The following FGF14 variants were observed in gnomAD, a reference collection of about 807,000 sequenced individuals.
The protein encoded by FGF14 is fibroblast growth factor homologous factor 4.
A neutral mutation model predicts 25.5 loss-of-function variants in FGF14; 5 were observed. The observed-to-expected ratio is 0.20, with a 90% confidence interval of 0.10 to 0.41. The LOEUF (loss-of-function observed/expected upper bound fraction) is 0.41. Ranked by LOEUF, FGF14 falls within the 10% of genes least tolerant of loss-of-function variation. The pLI is 1.00. For synonymous variants in FGF14, 138 were observed against 118.3 expected, an observed-to-expected ratio of 1.17 and a Z score of -1.08; for missense variants, 222 against 320.1, an observed-to-expected ratio of 0.69 and a Z score of 2.34.
At chr13:101,862,957 C>T (rs1053566145) in intron 3 of FGF14, among the ~76,000 whole-genome samples, 1 of 151,888 alleles carries the variant, frequency 6.6e-6, no homozygotes, top group Non-Finnish European at 1.5e-5. Context: ...TAAACAGAAA[C>T]ACTCATAATC....
chr13:102,118,669 T>C (rs1472327714), intron 1 of FGF14, among the ~76,000 whole-genome samples: 3 of 152,160 alleles, frequency 2.0e-5, no homozygotes, highest in African/African-American at 7.2e-5. Context: ...TATTTCCTTC[T>C]TTTTATGATT....
chr13:102,227,695 A>G (rs942442171), intron 1 of FGF14, among the ~76,000 whole-genome samples: 1 of 152,178 alleles, frequency 6.6e-6, no homozygotes, highest in Non-Finnish European at 1.5e-5. Context: ...TGCCTTCCCA[A>G]AAGGACTTCT....
intron 3 of FGF14, among the ~76,000 whole-genome samples, chr13:101,833,255 CA>C (rs1004936370): frequency 2.0e-5 from 3 of 152,022 alleles, no homozygotes; most frequent in African/African-American, 7.2e-5. Flanking sequence ...TTCTGATACA[CA>C]AATACTTTTC....
chr13:101,921,143 TAA>T (rs1281052978), upstream of FGF14, among the ~76,000 whole-genome samples: 1 of 152,144 alleles, frequency 6.6e-6, no homozygotes, highest in Non-Finnish European at 1.5e-5. Context: ...TAAATAAAAA[TAA>T]AGAGACTTTT....
At chr13:102,323,949 C>T (rs369724500) in intron 1 of FGF14, among the ~76,000 whole-genome samples, 1 of 139,976 alleles carries the variant, frequency 7.1e-6, no homozygotes, top group African/African-American at 2.7e-5. Context: ...AGGATCCCAA[C>T]GTGCAGTATG....
chr13:102,226,800 G>T (rs1399341581), intron 1 of FGF14, among the ~76,000 whole-genome samples: 1 of 152,028 alleles, frequency 6.6e-6, no homozygotes, highest in Non-Finnish European at 1.5e-5. Flanking sequence ...AACACTGTCA[G>T]CACATTTTCT....
intron 1 of FGF14, among the ~76,000 whole-genome samples, chr13:102,126,782 T>C (rs2045967486): frequency 2.0e-5 from 3 of 152,194 alleles, no homozygotes; most frequent in South Asian, 2.1e-4. Context: ...TTTTTCTCAA[T>C]GATTCTGTGC....
intron 1 of FGF14, among the ~76,000 whole-genome samples, chr13:102,380,317 G>A (rs933253974): frequency 8.6e-5 from 13 of 152,038 alleles, no homozygotes; most frequent in African/African-American, 2.9e-4. Flanking sequence ...AGTTCAGCAC[G>A]AGTGCCTCCC....
chr13:102,325,731 A>T (rs1253492407), intron 1 of FGF14, among the ~76,000 whole-genome samples: 2 of 152,106 alleles, frequency 1.3e-5, no homozygotes, highest in African/African-American at 2.4e-5. Flanking sequence ...TATGTGCTCT[A>T]CTTATCTACC....
intron 1 of FGF14, among the ~76,000 whole-genome samples, chr13:102,007,895 G>C (rs1483483894): frequency 6.6e-6 from 1 of 152,188 alleles, no homozygotes; most frequent in Non-Finnish European, 1.5e-5. Flanking sequence ...TGGAGCAGAT[G>C]AAGAATAAAG....
intron 1 of FGF14, among the ~76,000 whole-genome samples, chr13:102,061,597 A>G (rs2042693793): frequency 6.6e-6 from 1 of 152,252 alleles, no homozygotes; most frequent in Non-Finnish European, 1.5e-5. Context: ...AATGCTTATC[A>G]TGGCAGACTG....
chr13:101,732,686 T>C (rs2035891203), intron 3 of FGF14, among the ~76,000 whole-genome samples: 1 of 152,168 alleles, frequency 6.6e-6, no homozygotes, highest in Non-Finnish European at 1.5e-5. Flanking sequence ...TGAAAAATAA[T>C]TTATGGACTA....
At chr13:101,832,354 G>T (rs1222724080) in intron 3 of FGF14, among the ~76,000 whole-genome samples, 1 of 152,096 alleles carries the variant, frequency 6.6e-6, no homozygotes, top group Admixed American at 6.6e-5. Context: ...GTGAGCATCA[G>T]TGTCTGCTGT....
chr13:101,753,250 ATATAT>A (rs2037407394), intron 3 of FGF14, among the ~76,000 whole-genome samples: 1 of 151,614 alleles, frequency 6.6e-6, no homozygotes, highest in African/African-American at 2.4e-5. Context: ...ACCACATTCC[ATATAT>A]TATATATGAT....
chr13:101,799,038 C>G (rs932012949), intron 3 of FGF14, among the ~76,000 whole-genome samples: 3 of 152,132 alleles, frequency 2.0e-5, no homozygotes, highest in Non-Finnish European at 4.4e-5. Flanking sequence ...TTGCCTCATA[C>G]ATATACGGTA....
chr13:101,909,949 G>A (rs897212759), intron 1 of FGF14, among the ~76,000 whole-genome samples: 11 of 152,098 alleles, frequency 7.2e-5, no homozygotes, highest in Non-Finnish European at 1.2e-4. Flanking sequence ...GTAGGGACAT[G>A]GATGAAGCTG....
chr13:101,821,134 G>A (rs1158779765), intron 3 of FGF14, among the ~76,000 whole-genome samples: 1 of 151,870 alleles, frequency 6.6e-6, no homozygotes, highest in Non-Finnish European at 1.5e-5. Context: ...ATTTTTAGTA[G>A]AGACAGGGTT....
intron 1 of FGF14, among the ~76,000 whole-genome samples, chr13:102,135,135 G>A (rs1159377530): frequency 1.3e-5 from 2 of 151,876 alleles, no homozygotes; most frequent in African/African-American, 4.8e-5. Flanking sequence ...TTAAACCCAC[G>A]ACTTCAAGGC....
At chr13:102,259,335 G>T (rs113880430) in intron 1 of FGF14, among the ~76,000 whole-genome samples, 2 of 152,010 alleles carry the variant, frequency 1.3e-5, no homozygotes, top group African/African-American at 4.8e-5. Context: ...CCCACCCCCT[G>T]CCATCTCTCC....
Sources: gnomAD v4.1 joint callset for allele counts (sites outside exome capture counted in the v4.1 genomes callset) on GRCh38, gnomAD v4.1.1 for gene constraint, MANE v1.5 for transcripts, NCBI Gene and HGNC (gene_info 2026-07-23, HGNC 2026-07-21) for gene names.